Variants in SNX29 observed in about 807,000 individuals in gnomAD.
The protein encoded by SNX29 is sorting nexin 29, also known as sorting nexin-29.
Under a neutral mutation model 102.1 loss-of-function variants are expected in SNX29, and 78 were observed. The observed-to-expected ratio is 0.76, with a 90% CI of 0.64 to 0.92. The LOEUF (loss-of-function observed/expected upper bound fraction) is 0.92, where lower values mean the gene tolerates loss of function less well. Ranked by LOEUF, SNX29 falls within the 40% of genes least tolerant of loss-of-function variation. The pLI, the probability that SNX29 is intolerant of heterozygous loss-of-function variation, is 0.00. For synonymous variants in SNX29, 580 were observed against 414.5 expected, an observed-to-expected ratio of 1.40 and a Z score of -4.85; for missense variants, 1,280 against 1,061.7, an observed-to-expected ratio of 1.21 and a Z score of -2.86.
intron 20 of SNX29, among the ~76,000 whole-genome samples, chr16:12,549,735 T>A (rs762343401): frequency 6.6e-6 from 1 of 152,222 alleles, no homozygotes; most frequent in African/African-American, 2.4e-5. Flanking sequence ...CAAAGTGTGT[T>A]CCAGCATTTA....
At chr16:12,399,881 G>A (rs1231377491) in intron 17 of SNX29, among the ~76,000 whole-genome samples, 5 of 152,106 alleles carry the variant, frequency 3.3e-5, no homozygotes, top group Non-Finnish European at 7.4e-5. Context: ...AGAGTCCGGC[G>A]GAGGGCAGCT....
chr16:12,277,892 T>C, intron 14 of SNX29, 41 bp from the exon 15 acceptor site: 1 of 1,528,140 alleles, frequency 6.5e-7, no homozygotes, highest in South Asian at 1.2e-5. Context: ...TAATTTTCGA[T>C]ACTGTTGAAA....
chr16:12,079,113 C>G (rs905453341), intron 11 of SNX29, among the ~76,000 whole-genome samples, 198 bp downstream of exon 11: 26 of 152,194 alleles, frequency 1.7e-4, no homozygotes, highest in African/African-American at 6.3e-4. Context: ...GGCGTGTGCG[C>G]GCTAAAGGGC....
intron 11 of SNX29, among the ~76,000 whole-genome samples, chr16:12,091,266 C>T (rs1440959272): frequency 6.6e-6 from 1 of 152,060 alleles, no homozygotes; most frequent in Admixed American, 6.6e-5. Context: ...CGCTCCCCCT[C>T]CTTGCCGTTC....
intron 15 of SNX29, among the ~76,000 whole-genome samples, chr16:12,306,794 C>T (rs990816202): frequency 6.6e-6 from 1 of 152,246 alleles, no homozygotes; most frequent in East Asian, 1.9e-4. Flanking sequence ...ACAACCTTGT[C>T]AGCCGAGCTG....
intron 20 of SNX29, among the ~76,000 whole-genome samples, chr16:12,543,355 C>A: frequency 6.6e-6 from 1 of 152,242 alleles, no homozygotes; most frequent in East Asian, 1.9e-4. Context: ...GGGTGTTCAG[C>A]CCACCTAAGC....
chr16:12,554,032 C>T (rs901418739), intron 20 of SNX29, among the ~76,000 whole-genome samples: 5 of 152,158 alleles, frequency 3.3e-5, no homozygotes, highest in Non-Finnish European at 7.3e-5. Flanking sequence ...AACCATGTTG[C>T]CCAGGCTGGT....
At chr16:12,195,709 A>G (rs1264858500) in intron 13 of SNX29, among the ~76,000 whole-genome samples, 1 of 152,202 alleles carries the variant, frequency 6.6e-6, no homozygotes, top group African/African-American at 2.4e-5. Context: ...AAACGTGTAT[A>G]ATGTAATAGG....
chr16:12,239,639 C>CAAAAAAAAAAAAAAAAAAA (rs61024203), intron 14 of SNX29, among the ~76,000 whole-genome samples: 1 of 62,568 alleles, frequency 1.6e-5, no homozygotes, highest in African/African-American at 6.3e-5. Flanking sequence ...CCTGTTTCTA[C>CAAAAAAAAAAAAAAAAAAA]AAAAAAAAAA....
chr16:12,215,394 T>A (rs1162612586), intron 14 of SNX29, among the ~76,000 whole-genome samples: 1 of 151,788 alleles, frequency 6.6e-6, no homozygotes, highest in Non-Finnish European at 1.5e-5. Flanking sequence ...TCTATGTAAG[T>A]ATTAGATTGT....
In SNX29 at chr16:12,318,783, G is replaced by A. The variant is rs978902355; in HGVS notation, c.1783-37380G>A. Among the ~76,000 whole-genome samples the A allele has an allele frequency of 5.9e-5, 9 of 151,964 alleles. 1 individual carries two copies. Among genetic ancestry groups the A allele is most frequent in the East Asian group, 3.9e-4 (2 of 5,156 alleles). On this transcript the variant is annotated intron_variant, in intron 15 of 20. Coordinates refer to ENST00000566228, the MANE Select transcript of SNX29 (RefSeq NM_032167.5). ...CCAACTCAAAATTACAAAGTTTCCC[G>A]GAGCTTACATACCTTCTAAGCTACG...
intron 20 of SNX29, among the ~76,000 whole-genome samples, chr16:12,540,394 A>C (rs1011821162): frequency 2.6e-5 from 4 of 152,190 alleles, no homozygotes; most frequent in Non-Finnish European, 5.9e-5. Context: ...AATTGGCACA[A>C]AGTTAGTGGC....
At chr16:12,072,043 C>T (rs1325872948) in intron 10 of SNX29, among the ~76,000 whole-genome samples, 2 of 152,186 alleles carry the variant, frequency 1.3e-5, no homozygotes, top group African/African-American at 4.8e-5. Context: ...GCTGAAGTTG[C>T]TTATCAGCTT....
chr16:12,102,599 C>G (rs955311112), intron 11 of SNX29, among the ~76,000 whole-genome samples: 1 of 152,178 alleles, frequency 6.6e-6, no homozygotes, highest in Non-Finnish European at 1.5e-5. Flanking sequence ...CCTTCACCCA[C>G]TTTTTGATGG....
intron 19 of SNX29, among the ~76,000 whole-genome samples, chr16:12,496,589 C>T (rs570598718): frequency 6.7e-6 from 1 of 148,372 alleles, no homozygotes; most frequent in Admixed American, 6.8e-5. Flanking sequence ...GAGTTCACTG[C>T]AACCTCTGCC....
chr16:11,988,382 C>T (rs1457934788), intron 1 of SNX29, among the ~76,000 whole-genome samples: 1 of 151,338 alleles, frequency 6.6e-6, no homozygotes, highest in African/African-American at 2.4e-5. Context: ...ATTTGCATTT[C>T]TCCAACCAGG....
intron 15 of SNX29, among the ~76,000 whole-genome samples, chr16:12,335,093 G>C (rs949627941): frequency 6.6e-6 from 1 of 151,946 alleles, no homozygotes; most frequent in Non-Finnish European, 1.5e-5. Context: ...ATCATCTGCA[G>C]CAGGGGAGCA....
chr16:12,186,123 G>A (rs2141867693), intron 13 of SNX29, among the ~76,000 whole-genome samples: 1 of 152,228 alleles, frequency 6.6e-6, no homozygotes, highest in Admixed American at 6.5e-5. Context: ...TACCAGTTAT[G>A]AGCTATTCAG....
intron 14 of SNX29, among the ~76,000 whole-genome samples, chr16:12,250,366 A>T (rs1005215772): frequency 6.6e-6 from 1 of 152,050 alleles, no homozygotes; most frequent in Non-Finnish European, 1.5e-5. Context: ...TCAGAGCCCC[A>T]GGAGAGAAGC....
Sources: allele counts gnomAD v4.1 joint callset (sites outside exome capture counted in the v4.1 genomes callset), GRCh38; gene constraint gnomAD v4.1.1; transcripts MANE v1.5; gene names NCBI Gene and HGNC (gene_info 2026-07-23, HGNC 2026-07-21).